IQCH: variants seen among roughly 807,000 people sequenced by gnomAD.
IQCH encodes the protein IQ motif containing H.
In IQCH, 98 loss-of-function variants were observed where a neutral mutation model predicts 117.0. That is an observed-to-expected ratio of 0.84 (90% CI 0.71 to 0.99). The LOEUF is 0.99. Ranked by LOEUF, IQCH falls within the 50% of genes least tolerant of loss-of-function variation. The probability of loss-of-function intolerance (pLI) is 0.00; values close to 1 mark genes in which losing one functional copy is unlikely to be tolerated. For missense variants in IQCH, 1,102 were observed against 1,243.8 expected, an observed-to-expected ratio of 0.89 and a Z score of 1.72; for synonymous variants, 412 against 448.2, an observed-to-expected ratio of 0.92 and a Z score of 1.02.
At chr15:67,402,779 C>T (rs8040095) in intron 14 of IQCH, among the ~76,000 whole-genome samples, 2,770 of 152,320 alleles carry the variant, frequency 0.018, 84 homozygotes, top group African/African-American at 0.059. Context: ...AATAGCATCA[C>T]TTGCATAGCA....
chr15:67,288,589 A>G (rs1184712934), intron 4 of IQCH, among the ~76,000 whole-genome samples: 1 of 152,012 alleles, frequency 6.6e-6, no homozygotes, highest in African/African-American at 2.4e-5. Context: ...TTCCATTTAC[A>G]TGGAATATCT....
At chr15:67,350,085 A>T (rs776376398) in intron 6 of IQCH, among the ~76,000 whole-genome samples, 15 of 152,368 alleles carry the variant, frequency 9.8e-5, no homozygotes, top group South Asian at 6.2e-4. Context: ...GGTTTGTAAT[A>T]TATGAATGTT....
chr15:67,306,732 C>A, intron 4 of IQCH: 1 of 867,568 alleles, frequency 1.2e-6, no homozygotes, highest in Non-Finnish European at 1.9e-6. Context: ...AATCAATTTA[C>A]CAAAAACATA....
intron 13 of IQCH, among the ~76,000 whole-genome samples, chr15:67,399,486 C>T (rs1971573695): frequency 1.3e-5 from 2 of 152,062 alleles, no homozygotes; most frequent in Non-Finnish European, 2.9e-5. Flanking sequence ...AATAAAATGT[C>T]AAGTAGGTGT....
rs189329137 is a variant in IQCH, at chr15:67,422,349, G to A, written c.2505+772G>A. Among the ~76,000 whole-genome samples, 8 of 152,052 alleles carry A rather than the reference G, an allele frequency of 5.3e-5. No individual in the cohort carries two copies. In the East Asian group the frequency reaches 1.2e-3, roughly 22 times the overall value. The stretch of plus-strand genomic sequence containing the variant: ...TGTCTCATTTTTTTCTTTAAAAAAC[G>A]TACTGAGAGATACCTCATAAATATA... On this transcript the variant is annotated intron_variant, in intron 16 of 20. Coordinates refer to ENST00000335894, the MANE Select transcript of IQCH (RefSeq NM_001031715.3). The surrounding 1 kb of genome is among the most constrained non-coding windows in gnomAD (Gnocchi z 4.7).
Position 67,493,753 on chromosome 15 carries a change from C to T in IQCH, c.2862-505C>T, listed in dbSNP as rs2083727062. Reference sequence around the variant, plus strand: ...ATCCATGTGCCATGTTAGTGTCCTGCACCCATTAACTCGTCATTTACATTA... The same window carrying T: ...ATCCATGTGCCATGTTAGTGTCCTGTACCCATTAACTCGTCATTTACATTA... On this transcript the variant is annotated intron_variant, in intron 19 of 20. Coordinates refer to ENST00000335894, the MANE Select transcript of IQCH (RefSeq NM_001031715.3). The surrounding 1 kb of genome is among the most constrained non-coding windows in gnomAD (Gnocchi z 5.1). Among the ~76,000 whole-genome samples the T allele has an allele frequency of 6.6e-6, 1 of 152,164 alleles. No homozygotes were observed. The highest frequency in any genetic ancestry group is 6.5e-5 in the Admixed American group (1 of 15,282).
intron 18 of IQCH, 138 bp from the exon 19 acceptor site, chr15:67,489,865 G>A: frequency 2.7e-6 from 2 of 727,770 alleles, no homozygotes; most frequent in South Asian, 3.1e-5. Context: ...CTTTCCAAAT[G>A]TGTTCTCATA....
chr15:67,270,522 T>A (rs1303286548), intron 3 of IQCH, among the ~76,000 whole-genome samples: 1 of 152,142 alleles, frequency 6.6e-6, no homozygotes, highest in African/African-American at 2.4e-5. Flanking sequence ...GTGTTTGGGT[T>A]GTGGGGGTGG....
At chr15:67,290,000 G>A (rs1306931540) in intron 4 of IQCH, among the ~76,000 whole-genome samples, 1 of 152,082 alleles carries the variant, frequency 6.6e-6, no homozygotes, top group Non-Finnish European at 1.5e-5. Flanking sequence ...CATGATGACA[G>A]ACTGTTTTTT....
chr15:67,388,235 G>A lies in IQCH; in HGVS notation c.1457-596G>A, dbSNP rs959435491. On this transcript the variant is annotated intron_variant, in intron 11 of 20. Transcript: ENST00000335894. The surrounding 1 kb of genome is among the most constrained non-coding windows in gnomAD (Gnocchi z 5.5). ...GAAGGAGAAAAGTTAAATTAAGATG[G>A]TGTTTCCTTTAAACCAAGAATCACT... is the stretch of plus-strand genomic sequence containing the variant. Among the ~76,000 whole-genome samples the A allele has an allele frequency of 6.6e-6, 1 of 152,172 alleles. No individual in the cohort carries two copies. Among genetic ancestry groups the A allele is most frequent in the Non-Finnish European group, 1.5e-5 (1 of 68,032 alleles).
In IQCH at chr15:67,436,147, T is replaced by C. The variant is rs954103362; in HGVS notation, c.2505+14570T>C. ...ACAAGACTCTCCAGAACACACAAGC[T>C]TGATGGCTCCATATTCAATAAATGT... On this transcript the variant is annotated intron_variant, in intron 16 of 20. Transcript: ENST00000335894. The surrounding 1 kb of genome is among the most constrained non-coding windows in gnomAD (Gnocchi z 5.1). 6.6e-6 allele frequency among the ~76,000 whole-genome samples: 1 copy of C among 152,082 alleles called. No individual in the cohort carries two copies. Among genetic ancestry groups the C allele is most frequent in the African/African-American group, 2.4e-5 (1 of 41,420 alleles).
At position 67,400,205 on chromosome 15, in the gene IQCH, C is replaced by G. The variant is rs1047720643; in HGVS notation, c.1997C>G (p.Thr666Ser). 2.5e-6 allele frequency: 4 copies of G among 1,613,348 alleles called. No homozygotes were observed. Among genetic ancestry groups the G allele is most frequent in the Non-Finnish European group, 3.4e-6 (4 of 1,179,392 alleles). Residue 666 changes from threonine to serine, a missense_variant, in exon 14 of 21, where the codon ACT (threonine) becomes AGT (serine). Transcript: ENST00000335894. ...KMDSEFRGNG[T>S]AFCDIPSYLK... is the part of the protein sequence containing the mutation. ...GACTCTGAGTTCCGAGGAAATGGGA[C>G]TGCATTTTGTGATATTCCTTCCTAC...
Position 67,254,918 on chromosome 15 carries a change from C to T in IQCH, c.22C>T (p.His8Tyr). The change falls in exon 1 of 21, where the codon CAC becomes TAC. Residue 8 changes from histidine (H) to tyrosine (Y), a missense_variant. Around this residue, in one of 2 missense-constraint regions of IQCH, gnomAD observed 452 missense variants for 449.6 expected, o/e 1.01. Coordinates refer to ENST00000335894, the MANE Select transcript of IQCH (RefSeq NM_001031715.3). ...AGCCATGGCACAGAACACTGAAAAC[C>T]ACGACCCTGTCGGATCCATCTTAAT... The part of the protein sequence containing the change: MAQNTEN[H>Y]DPVGSILIQI... 6.2e-7 allele frequency: 1 copy of T among 1,613,866 alleles called. No individual in the cohort carries two copies. The highest frequency in any genetic ancestry group is 8.5e-7 in the Non-Finnish European group (1 of 1,179,838).
At position 67,390,893 on chromosome 15, in the gene IQCH, A is replaced by AC. The variant is rs1971264181; in HGVS notation, c.1632+1887_1632+1888insC. On this transcript the variant is annotated intron_variant, in intron 12 of 20. Transcript: ENST00000335894. This position sits in a 1 kb window ranked among gnomAD's most constrained non-coding sequence, Gnocchi z 5.0. ...GAAACCAAGACTCATTTTCTAGTCC[A>AC]AGGTTACTAGTAAGGCCAGAGTGTG... Among the ~76,000 whole-genome samples the AC allele has an allele frequency of 6.6e-6, 1 of 152,212 alleles. No individual in the cohort carries two copies. The highest frequency in any genetic ancestry group is 1.5e-5 in the Non-Finnish European group (1 of 68,034).
chr15:67,379,230 A>G (rs1190311253), intron 10 of IQCH, among the ~76,000 whole-genome samples: 2 of 152,206 alleles, frequency 1.3e-5, no homozygotes, highest in Non-Finnish European at 2.9e-5. Context: ...CTACACAGAT[A>G]AGTATTTGGA....
chr15:67,421,260 C>A (rs770759409), intron 15 of IQCH, 31 bp from the exon 16 acceptor site: 23 of 1,589,898 alleles, frequency 1.4e-5, no homozygotes, highest in Non-Finnish European at 1.8e-5. Context: ...ATGCATGTGT[C>A]CTTTCACCTA....
chr15:67,263,863 G>C (rs1965559304), intron 3 of IQCH, among the ~76,000 whole-genome samples: 1 of 152,184 alleles, frequency 6.6e-6, no homozygotes, highest in South Asian at 2.1e-4. Flanking sequence ...TTAAAAATAA[G>C]TGACCTTGCC....
chr15:67,412,375 T>C (rs1174586393), intron 14 of IQCH, among the ~76,000 whole-genome samples: 1 of 152,194 alleles, frequency 6.6e-6, no homozygotes, highest in Non-Finnish European at 1.5e-5. Context: ...AAAAACTTCC[T>C]AACTACTCAT....
Position 67,372,555 on chromosome 15 carries a change from G to A in IQCH, c.1198G>A (p.Gly400Ser), listed in dbSNP as rs1474077128. The change falls in exon 9 of 21, where the codon GGT becomes AGT. Residue 400 changes from glycine to serine, a missense_variant. Gly to Ser is a moderately conservative substitution (Grantham distance 56). Around this residue, in one of 2 missense-constraint regions of IQCH, gnomAD observed 650 missense variants for 794.3 expected, o/e 0.82. Transcript: ENST00000335894. ...TTATCGCCAGCAGAAGTGGGCATCA[G>A]GTGTGATTGCCATTGCTTGGCTGTT... Reference protein sequence around the residue: ...LFYRQQKWASGVIAIAWLLYC... With the variant: ...LFYRQQKWASSVIAIAWLLYC... 1 of 1,613,934 alleles carries A rather than the reference G, an allele frequency of 6.2e-7. No homozygotes were observed. The highest frequency in any genetic ancestry group is 1.7e-5 in the Admixed American group (1 of 60,016).
Sources: allele counts gnomAD v4.1 joint callset (sites outside exome capture counted in the v4.1 genomes callset), GRCh38; gene constraint gnomAD v4.1.1; regional missense constraint gnomAD v4.1.1; non-coding constraint Gnocchi (gnomAD v3.1); transcripts MANE v1.5; gene names NCBI Gene and HGNC (gene_info 2026-07-23, HGNC 2026-07-21).